SPANXN3: variants seen among roughly 807,000 people sequenced by gnomAD.
The protein encoded by SPANXN3 is SPANX family member N3.
A neutral mutation model predicts 1.9 loss-of-function variants in SPANXN3; 1 was observed. The ratio of observed to expected loss-of-function variants is 0.54; its 90% CI spans 0.19 to 2.54. SPANXN3 has a LOEUF of 2.54. Ranked by LOEUF, SPANXN3 falls within the 30% of genes most tolerant of loss-of-function variation. SPANXN3 has a pLI of 0.24. For synonymous variants in SPANXN3, 47 were observed against 40.0 expected, an observed-to-expected ratio of 1.17 and a Z score of -0.66; for missense variants, 113 against 96.2, an observed-to-expected ratio of 1.17 and a Z score of -0.73.
chrX:143,517,251 C>T (rs1363226986), intron 1 of SPANXN3, 63 bp downstream of exon 1: 26 of 1,154,875 alleles, frequency 2.3e-5, no homozygotes, highest in South Asian at 1.9e-4. Flanking sequence ...GCTGTTTGAG[C>T]CACCCCCTCT....
chrX:143,517,267 T>G, intron 1 of SPANXN3, 47 bp downstream of exon 1: 1 of 1,182,217 alleles, frequency 8.5e-7, no homozygotes, highest in Non-Finnish European at 1.1e-6. Context: ...CCTCTCTGTG[T>G]GTCTTTCTTT....
chrX:143,515,800 G>A (rs1294196123), intron 1 of SPANXN3, among the ~76,000 whole-genome samples: 1 of 111,759 alleles, frequency 8.9e-6, no homozygotes, highest in Non-Finnish European at 1.9e-5. Flanking sequence ...TACTTGACCA[G>A]TTCATTCCCA....
At chrX:143,510,599 T>G (rs1419534274) in intron 1 of SPANXN3, among the ~76,000 whole-genome samples, 4 of 111,925 alleles carry the variant, frequency 3.6e-5, no homozygotes, top group African/African-American at 1.3e-4. Context: ...CTAAAAATCT[T>G]TCTCCAACAC....
intron 1 of SPANXN3, among the ~76,000 whole-genome samples, chrX:143,515,069 A>G (rs1929182620): frequency 9.1e-6 from 1 of 110,125 alleles, no homozygotes; most frequent in African/African-American, 3.3e-5. Flanking sequence ...ACAGTACACA[A>G]ATGCTTACTT....
chrX:143,513,217 C>G (rs142543799), intron 1 of SPANXN3, among the ~76,000 whole-genome samples: 3,378 of 111,767 alleles, frequency 0.03, 68 homozygotes, highest in African/African-American at 0.059. Context: ...CCCAGCTTGC[C>G]CCATCAACTC....
At chrX:143,510,229 A>T (rs782039722) in intron 1 of SPANXN3, 1 of 110,373 alleles carries the variant, frequency 9.1e-6, no homozygotes, top group East Asian at 2.9e-4. Flanking sequence ...ATTCCTTTCT[A>T]TTTCTGCTTG....
At chrX:143,510,484 C>T (rs782245852) in intron 1 of SPANXN3, among the ~76,000 whole-genome samples, 1 of 111,835 alleles carries the variant, frequency 8.9e-6, no homozygotes, top group East Asian at 2.9e-4. Context: ...GGGGTATTCA[C>T]TCCCTTCTGG....
chrX:143,510,442 T>C (rs1929065887), intron 1 of SPANXN3, among the ~76,000 whole-genome samples: 1 of 111,171 alleles, frequency 9.0e-6, no homozygotes, highest in Admixed American at 9.5e-5. Context: ...CTCTGGGGTA[T>C]TCACTTCCCT....
In SPANXN3 at chrX:143,509,161, A is replaced by G. The variant is rs1314588707; in HGVS notation, c.80T>C (p.Met27Thr). The G allele has an allele frequency of 3.3e-6, 4 of 1,197,796 alleles. No homozygotes were observed. The highest frequency in any genetic ancestry group is 4.5e-6 in the Non-Finnish European group (4 of 887,772). Residue 27 changes from methionine to threonine, a missense_variant and splice_region_variant, in exon 2 of 2, where the codon ATG becomes ACG. Met to Thr is a moderately conservative substitution (Grantham distance 81). Coordinates refer to ENST00000370503, the MANE Select transcript of SPANXN3 (RefSeq NM_001009609.4). ...TAAGACTCTGTTTGGTACCTCTTGC[A>G]TCTGGTAAGAAAATAGGGAGAGGCC... ...CESNNKKNDE[M>T]QEVPNRVLAP...
chrX:143,515,216 C>G (rs1449664424), intron 1 of SPANXN3, among the ~76,000 whole-genome samples: 1 of 110,945 alleles, frequency 9.0e-6, no homozygotes, highest in African/African-American at 3.3e-5. Context: ...CCTAACTACT[C>G]CGACTGGGGC....
At chrX:143,516,293 C>A (rs1211407702) in intron 1 of SPANXN3, among the ~76,000 whole-genome samples, 1 of 112,524 alleles carries the variant, frequency 8.9e-6, no homozygotes, top group Non-Finnish European at 1.9e-5. Flanking sequence ...TAACCTACAA[C>A]TTTTGTCTGT....
At chrX:143,514,333 T>A (rs1245568130) in intron 1 of SPANXN3, among the ~76,000 whole-genome samples, 4 of 112,763 alleles carry the variant, frequency 3.5e-5, no homozygotes, top group African/African-American at 9.7e-5. Context: ...AAACCTTCTG[T>A]ACTTTCATAT....
chrX:143,513,309 T>C (rs782091784), intron 1 of SPANXN3, among the ~76,000 whole-genome samples: 3 of 112,123 alleles, frequency 2.7e-5, no homozygotes, highest in Admixed American at 9.4e-5. Context: ...ACTTTGTATG[T>C]ACATTCTGAC....
At chrX:143,512,918 A>G (rs1217766458) in intron 1 of SPANXN3, among the ~76,000 whole-genome samples, 1 of 111,072 alleles carries the variant, frequency 9.0e-6, no homozygotes, top group Non-Finnish European at 1.9e-5. Context: ...CTTCCTCCAT[A>G]ATAGAGGAAA....
At position 143,508,783 on chromosome X, in the gene SPANXN3, T is replaced by G; in HGVS notation, c.*32A>C. ...TTGTAATCATCGCCATCAGTGGTGA[T>G]GATTTGTCCAATTTGGTTTCTCCAT... On this transcript the variant is annotated 3_prime_UTR_variant, in exon 2 of 2. Transcript: ENST00000370503. 6 of 1,113,119 alleles carry G rather than the reference T, an allele frequency of 5.4e-6. No homozygotes were observed. Among genetic ancestry groups the G allele is most frequent in the Non-Finnish European group, 7.4e-6 (6 of 813,535 alleles). 91.7% of individuals were successfully genotyped at this position (1,113,119 alleles called of 1,213,427 possible).
rs1313228174 is a variant in SPANXN3, at chrX:143,515,077, C to T, written c.78+2237G>A. Among the ~76,000 whole-genome samples, 6 of 110,537 alleles carry T rather than the reference C, an allele frequency of 5.4e-5. No homozygotes were observed. The Admixed American group carries it at 5.8e-4, about 11-fold the overall frequency. On this transcript the variant is annotated intron_variant, in intron 1 of 1. Coordinates refer to ENST00000370503, the MANE Select transcript of SPANXN3 (RefSeq NM_001009609.4). ...TAATAAGACAGTACACAAATGCTTA[C>T]TTGACCCAGCCTAAAAGTCCATCCT...
Position 143,508,859 on chromosome X carries a change from G to T in SPANXN3, c.382C>A (p.Leu128Ile). 8.3e-7 allele frequency: 1 copy of T among 1,211,603 alleles called. No individual in the cohort carries two copies. Among genetic ancestry groups the T allele is most frequent in the South Asian group, 1.8e-5 (1 of 56,971 alleles). ...SEGSSQEDED[L>I]GLSEGSSQDS... ...TGTGAAGATCCTTCAGATAAGCCTA[G>T]GTCTTCATCCTCCTGTGAGGATCCT... Residue 128 changes from leucine (L) to isoleucine (I), a missense_variant, in exon 2 of 2, where the codon CTA (leucine) becomes ATA (isoleucine). By Grantham distance (5) the Leu-to-Ile change is conservative. Coordinates refer to ENST00000370503, the MANE Select transcript of SPANXN3 (RefSeq NM_001009609.4).
At chrX:143,513,947 A>T (rs1172224443) in intron 1 of SPANXN3, among the ~76,000 whole-genome samples, 3 of 112,032 alleles carry the variant, frequency 2.7e-5, no homozygotes, top group Admixed American at 9.4e-5. Context: ...GAGGGTCAAC[A>T]TTTACACCCA....
chrX:143,514,187 G>A (rs1602856565), intron 1 of SPANXN3, among the ~76,000 whole-genome samples: 1 of 112,059 alleles, frequency 8.9e-6, no homozygotes, highest in African/African-American at 3.2e-5. Flanking sequence ...CTGGCAGGCA[G>A]CCCTTAAAAC....
Sources: allele counts gnomAD v4.1 joint callset (sites outside exome capture counted in the v4.1 genomes callset), GRCh38; gene constraint gnomAD v4.1.1; transcripts MANE v1.5; gene names NCBI Gene and HGNC (gene_info 2026-07-23, HGNC 2026-07-21).